DYRK4: variants seen among roughly 807,000 people sequenced by gnomAD.
The protein encoded by DYRK4 is dual specificity tyrosine-phosphorylation-regulated kinase 4.
Under a neutral mutation model 68.3 loss-of-function variants are expected in DYRK4, and 64 were observed. The observed-to-expected ratio is 0.94, with a 90% confidence interval of 0.77 to 1.15. The LOEUF (loss-of-function observed/expected upper bound fraction) is 1.15, where lower values mean the gene tolerates loss of function less well. Ranked by LOEUF, DYRK4 falls within the 50% of genes most tolerant of loss-of-function variation. DYRK4 has a pLI of 0.00. For missense variants in DYRK4, 740 were observed against 764.7 expected (o/e 0.97, Z 0.38); for synonymous variants, 274 against 289.9 (o/e 0.95, Z 0.56).
At position 4,596,765 on chromosome 12, in the gene DYRK4, G is replaced by GA. The variant is rs775853204; in HGVS notation, c.905+40dup. On this transcript the variant is annotated intron_variant, in intron 8 of 14. Transcript: ENST00000543431. Reference sequence around the variant, plus strand: ...TTTTCTTCTTAACTCATTTTCTCTGGAAAAGTTACCTAAGTGATAGTTTTT... The same window carrying GA: ...TTTTCTTCTTAACTCATTTTCTCTGGAAAAAGTTACCTAAGTGATAGTTTTT... 2.5e-6 allele frequency: 4 copies of GA among 1,610,094 alleles called. No individual in the cohort carries two copies. In the South Asian group the frequency reaches 4.4e-5, roughly 18 times the overall value.
chr12:4,599,278 T>TTG, intron 9 of DYRK4, 112 bp downstream of exon 9: 2 of 1,126,378 alleles, frequency 1.8e-6, no homozygotes, highest in Non-Finnish European at 2.5e-6. Context: ...GACTTTTTTT[T>TTG]TTTTTTTTTT....
rs545558326 is a variant in DYRK4 at position 4,613,514 on chromosome 12, G to A, written c.1667-1G>A. The A allele has an allele frequency of 6.2e-7, 1 of 1,609,982 alleles. No homozygotes were observed. The highest frequency in any genetic ancestry group is 1.3e-5 in the African/African-American group (1 of 74,970). ...CTTCTGTCTTCTCTCTCCTTTAGCA[G>A]ATGAGATCACCAAAGAGACTACAGA... On this transcript the variant is annotated splice_acceptor_variant, in intron 14 of 14. Transcript: ENST00000543431. LOFTEE classifies it high-confidence loss of function. The surrounding 1 kb of genome is among the most constrained non-coding windows in gnomAD (Gnocchi z 4.0).
At chr12:4,611,075 G>A (rs1053064802) in intron 13 of DYRK4, among the ~76,000 whole-genome samples, 1 of 152,072 alleles carries the variant, frequency 6.6e-6, no homozygotes, top group African/African-American at 2.4e-5. Flanking sequence ...AGTTCTATCA[G>A]TCCTATAATT....
intron 1 of DYRK4, among the ~76,000 whole-genome samples, chr12:4,567,055 A>G (rs919446033): frequency 6.6e-6 from 1 of 152,236 alleles, no homozygotes; most frequent in Non-Finnish European, 1.5e-5. Context: ...CATAAAACAT[A>G]TGTGTGCCAT....
chr12:4,605,292 G>A (rs2137396508), intron 11 of DYRK4, among the ~76,000 whole-genome samples: 1 of 152,300 alleles, frequency 6.6e-6, no homozygotes, highest in East Asian at 1.9e-4. Context: ...AATTTAAATA[G>A]TTGCAGAGGA....
At chr12:4,585,355 T>C (rs1357512159) in intron 2 of DYRK4, among the ~76,000 whole-genome samples, 3 of 152,248 alleles carry the variant, frequency 2.0e-5, no homozygotes, top group Non-Finnish European at 4.4e-5. Flanking sequence ...GCTGCACTTA[T>C]TATTGCCTTC....
intron 11 of DYRK4, among the ~76,000 whole-genome samples, chr12:4,606,431 T>C (rs1945152775): frequency 6.6e-6 from 1 of 152,198 alleles, no homozygotes; most frequent in Non-Finnish European, 1.5e-5. Flanking sequence ...GATAATTTCA[T>C]TTCATGATCG....
intron 12 of DYRK4, among the ~76,000 whole-genome samples, chr12:4,608,857 C>A (rs1945184986): frequency 6.6e-6 from 1 of 152,194 alleles, no homozygotes; most frequent in South Asian, 2.1e-4. Flanking sequence ...ACACATTAAC[C>A]GAGCAATCTG....
intron 2 of DYRK4, among the ~76,000 whole-genome samples, chr12:4,583,821 T>C (rs1054245889): frequency 6.6e-6 from 1 of 152,166 alleles, no homozygotes; most frequent in African/African-American, 2.4e-5. Flanking sequence ...CTTAGTGAAA[T>C]TCTACTCCCT....
rs545899073 is a variant in DYRK4 at position 4,610,920 on chromosome 12, C to T, written c.1490+636C>T. Among the ~76,000 whole-genome samples the T allele has an allele frequency of 6.6e-5, 10 of 152,296 alleles. No homozygotes were observed. In the East Asian group the frequency reaches 1.7e-3, roughly 26 times the overall value. On this transcript the variant is annotated intron_variant, in intron 13 of 14. Coordinates refer to ENST00000543431, the MANE Select transcript of DYRK4 (RefSeq NM_001394779.1). Reference sequence around the variant, plus strand: ...AGGTGTTTAGAAAACGTTAGCTATTCTTATTATTTTACGACTATTAAAGAG... The same window carrying T: ...AGGTGTTTAGAAAACGTTAGCTATTTTTATTATTTTACGACTATTAAAGAG...
rs1944693822 is a variant in DYRK4 at position 4,567,992 on chromosome 12, T to A, written c.76T>A (p.Leu26Met). The A allele has an allele frequency of 6.5e-7, 1 of 1,536,040 alleles. No homozygotes were observed. The highest frequency in any genetic ancestry group is 1.4e-5 in the African/African-American group (1 of 73,042). ...TGCTAAAAAGCCAAGGAAATGTGAT[T>A]TGACTCCCTTCCTGGTTTTGAAAGC... ...MDAKKPRKCDLTPFLVLKARK... is the reference protein window; with the variant it reads ...MDAKKPRKCDMTPFLVLKARK... Residue 26 changes from leucine to methionine, a missense_variant, in exon 2 of 15, where the codon TTG becomes ATG. Transcript: ENST00000543431.
intron 2 of DYRK4, among the ~76,000 whole-genome samples, chr12:4,586,591 A>G (rs1479801148): frequency 1.3e-5 from 2 of 152,124 alleles, no homozygotes; most frequent in African/African-American, 4.8e-5. Context: ...GCAAGTTCAT[A>G]AACTTGTGTG....
chr12:4,604,135 C>T (rs1325457408), intron 10 of DYRK4, among the ~76,000 whole-genome samples: 3 of 152,188 alleles, frequency 2.0e-5, no homozygotes, highest in African/African-American at 7.2e-5. Flanking sequence ...TACTTGGAAT[C>T]GTGCCTGGCA....
intron 6 of DYRK4, among the ~76,000 whole-genome samples, chr12:4,595,709 T>C (rs1295510482): frequency 3.3e-5 from 5 of 152,114 alleles, no homozygotes; most frequent in South Asian, 2.1e-4. Context: ...GAAATAAAAC[T>C]TCCCCCAAAC....
rs547648693 is a variant in DYRK4, at chr12:4,588,004, A to T, written c.133-933A>T. Among the ~76,000 whole-genome samples, 17 of 152,340 alleles carry T rather than the reference A, an allele frequency of 1.1e-4. No individual in the cohort carries two copies. The South Asian group carries it at 3.5e-3, about 32-fold the overall frequency. On this transcript the variant is annotated intron_variant, in intron 2 of 14. Transcript: ENST00000543431. Reference sequence around the variant, plus strand: ...GCTAAACTTCAGTCATTTGAGGGCCAGCTTTACAGTTTTTGCCATGCCTAC... The same window carrying T: ...GCTAAACTTCAGTCATTTGAGGGCCTGCTTTACAGTTTTTGCCATGCCTAC...
chr12:4,596,744 C>T lies in DYRK4; in HGVS notation c.905+15C>T. The T allele has an allele frequency of 6.2e-7, 1 of 1,612,208 alleles. No homozygotes were observed. The highest frequency in any genetic ancestry group is 1.1e-5 in the South Asian group (1 of 90,516). On this transcript the variant is annotated intron_variant, in intron 8 of 14. Transcript: ENST00000543431. ...GAGCTCCTGGGGTCAGCTGCCTTTTCTTCTTAACTCATTTTCTCTGGAAAA... is the reference window on the plus strand; with the variant it reads ...GAGCTCCTGGGGTCAGCTGCCTTTTTTTCTTAACTCATTTTCTCTGGAAAA...
intron 4 of DYRK4, 135 bp downstream of exon 4, chr12:4,590,575 C>T: frequency 7.1e-7 from 1 of 1,409,536 alleles, no homozygotes; most frequent in Non-Finnish European, 9.2e-7. Context: ...GTCCTGTTCT[C>T]ATTCTTTACA....
chr12:4,602,731 TA>T, intron 10 of DYRK4: 1 of 1,513,144 alleles, frequency 6.6e-7, no homozygotes, highest in East Asian at 2.3e-5. Context: ...CAATGTCTTG[TA>T]AATTCAGAAG....
chr12:4,603,354 G>A (rs1945102725), intron 10 of DYRK4: 5 of 513,766 alleles, frequency 9.7e-6, no homozygotes, highest in Non-Finnish European at 1.8e-5. Context: ...AACCCCTCCA[G>A]GTCCTTTTCA....
Sources: allele counts gnomAD v4.1 joint callset (sites outside exome capture counted in the v4.1 genomes callset), GRCh38; gene constraint gnomAD v4.1.1; non-coding constraint Gnocchi (gnomAD v3.1); transcripts MANE v1.5; gene names NCBI Gene and HGNC (gene_info 2026-07-23, HGNC 2026-07-21).